Variants in CDK19 observed in about 807,000 individuals in gnomAD.
The protein encoded by CDK19 is cyclin dependent kinase 19.
A neutral mutation model predicts 68.3 loss-of-function variants in CDK19; 20 were observed. The ratio of observed to expected loss-of-function variants is 0.29; its 90% CI spans 0.21 to 0.43. CDK19 has a LOEUF of 0.43. Ranked by LOEUF, CDK19 falls within the 20% of genes least tolerant of loss-of-function variation. The pLI, the probability that CDK19 is intolerant of heterozygous loss-of-function variation, is 1.00. For missense variants in CDK19, 339 were observed against 623.5 expected (o/e 0.54, Z 4.86); for synonymous variants, 221 against 222.8 (o/e 0.99, Z 0.07).
rs75245403 is a variant in CDK19 at position 110,663,584 on chromosome 6, C to T, written c.456+3850G>A. On this transcript the variant is annotated intron_variant, in intron 4 of 12. Coordinates refer to ENST00000368911, the MANE Select transcript of CDK19 (RefSeq NM_015076.5). ...TTTGTTGCCCAAGGCTGGAGTGGAG[C>T]GCAGTGGCACAATCGTGGCTCACTG... Among the ~76,000 whole-genome samples the T allele has an allele frequency of 4.3e-3, 652 of 152,280 alleles. 4 individuals are homozygous for T. Among genetic ancestry groups the T allele is most frequent in the African/African-American group, 0.014 (592 of 41,550 alleles).
intron 1 of CDK19, among the ~76,000 whole-genome samples, chr6:110,799,521 A>G (rs958183564): frequency 6.6e-6 from 1 of 152,152 alleles, no homozygotes; most frequent in Admixed American, 6.6e-5. Flanking sequence ...ATTACTTATA[A>G]TACTTAATAC....
chr6:110,750,227 T>G lies in CDK19; in HGVS notation c.129-4026A>C, dbSNP rs954895764. On this transcript the variant is annotated intron_variant, in intron 1 of 12. Transcript: ENST00000368911. ...GGATGAAAAACAATTAGGAAGTTACTGTGATGTAAGTGTGAGAAGGTGAAA... is the reference window on the plus strand; with the variant it reads ...GGATGAAAAACAATTAGGAAGTTACGGTGATGTAAGTGTGAGAAGGTGAAA... 1.4e-5 allele frequency among the ~76,000 whole-genome samples: 2 copies of G among 145,654 alleles called. 1 individual carries two copies. The highest frequency in any genetic ancestry group is 4.4e-4 in the East Asian group (2 of 4,536).
chr6:110,696,257 T>G (rs991572397), intron 2 of CDK19, among the ~76,000 whole-genome samples: 2 of 152,210 alleles, frequency 1.3e-5, no homozygotes, highest in African/African-American at 4.8e-5. Flanking sequence ...GATATGATCA[T>G]GTCAATAGAT....
At chr6:110,795,165 TC>T (rs1484200543) in intron 1 of CDK19, among the ~76,000 whole-genome samples, 3 of 152,092 alleles carry the variant, frequency 2.0e-5, no homozygotes, top group African/African-American at 7.2e-5. Context: ...GAGACAGGGT[TC>T]CCCCTTGTTG....
intron 2 of CDK19, among the ~76,000 whole-genome samples, chr6:110,694,788 T>C (rs1221292975): frequency 1.3e-5 from 2 of 152,118 alleles, no homozygotes; most frequent in African/African-American, 4.8e-5. Context: ...GAAATCGAAA[T>C]TATATCAAGC....
Position 110,750,754 on chromosome 6 carries a change from T to C in CDK19, c.129-4553A>G, listed in dbSNP as rs529662858. ...ATGTGATGATATTGCCTAGAGGAAG[T>C]AGCACATAGATAAGAAGACTTTTGA... On this transcript the variant is annotated intron_variant, in intron 1 of 12. Coordinates refer to ENST00000368911, the MANE Select transcript of CDK19 (RefSeq NM_015076.5). 5.3e-5 allele frequency among the ~76,000 whole-genome samples: 8 copies of C among 152,264 alleles called. No homozygotes were observed. The East Asian group carries it at 1.5e-3, about 29-fold the overall frequency.
intron 1 of CDK19, among the ~76,000 whole-genome samples, chr6:110,806,993 TA>T (rs1453702605): frequency 1.4e-5 from 2 of 145,666 alleles, no homozygotes; most frequent in African/African-American, 5.1e-5. Flanking sequence ...ATAAATTAAA[TA>T]AATAAAAATA....
intron 1 of CDK19, among the ~76,000 whole-genome samples, chr6:110,756,569 T>C (rs945304030): frequency 2.0e-4 from 30 of 151,520 alleles, no homozygotes; most frequent in Admixed American, 1.9e-3. Flanking sequence ...AAAAAAAAAA[T>C]TATCTACTGT....
chr6:110,627,457 G>A (rs1779164002), intron 6 of CDK19, among the ~76,000 whole-genome samples: 1 of 152,036 alleles, frequency 6.6e-6, no homozygotes, highest in South Asian at 2.1e-4. Flanking sequence ...GACAATAAAT[G>A]GGGACAGTCA....
intron 2 of CDK19, among the ~76,000 whole-genome samples, chr6:110,711,925 G>T (rs575338983): frequency 6.6e-4 from 101 of 152,312 alleles, no homozygotes; most frequent in Non-Finnish European, 1.1e-3. Context: ...GTGAGCAGAG[G>T]TTGCGCCACT....
intron 2 of CDK19, among the ~76,000 whole-genome samples, chr6:110,701,881 G>A (rs1187632487): frequency 6.6e-6 from 1 of 152,026 alleles, no homozygotes; most frequent in African/African-American, 2.4e-5. Context: ...GGTGGCTCAC[G>A]CCTGTAATCC....
intron 1 of CDK19, among the ~76,000 whole-genome samples, chr6:110,769,103 C>A (rs1779797951): frequency 8.8e-6 from 1 of 113,828 alleles, no homozygotes; most frequent in Admixed American, 1.2e-4. Context: ...TGCAGTAAGC[C>A]AAGATTGTAC....
chr6:110,715,825 C>G (rs1231026656), intron 2 of CDK19, among the ~76,000 whole-genome samples: 1 of 152,212 alleles, frequency 6.6e-6, no homozygotes, highest in East Asian at 1.9e-4. Context: ...TCATCAAAGT[C>G]TCTGAATCCT....
At position 110,746,129 on chromosome 6, in the gene CDK19, A is replaced by C; in HGVS notation, c.201T>G (p.Ile67Met). 2 of 1,560,608 alleles carry C rather than the reference A, an allele frequency of 1.3e-6. No homozygotes were observed. Among genetic ancestry groups the C allele is most frequent in the Non-Finnish European group, 1.7e-6 (2 of 1,146,394 alleles). ...AACTGTATTTGTATCCACTTACTGC[A>C]ATCTCTCTACAAGCCGACATGGATA... ...TGISMSACRE[I>M]ALLRELKHPN... The change falls in exon 2 of 13, where the codon ATT becomes ATG. Residue 67 changes from isoleucine to methionine, a missense_variant. Physicochemically the swap from Ile to Met is conservative, Grantham distance 10. Around this residue, in one of 4 missense-constraint regions of CDK19, gnomAD observed 120 missense variants for 224.0 expected, o/e 0.54. Coordinates refer to ENST00000368911, the MANE Select transcript of CDK19 (RefSeq NM_015076.5).
intron 6 of CDK19, among the ~76,000 whole-genome samples, chr6:110,629,986 G>T (rs116387483): frequency 6.6e-6 from 1 of 151,982 alleles, no homozygotes; most frequent in African/African-American, 2.4e-5. Flanking sequence ...ACTCATATCC[G>T]ATTTCATTTA....
intron 1 of CDK19, among the ~76,000 whole-genome samples, chr6:110,810,819 G>A (rs1490357401): frequency 4.6e-5 from 7 of 151,766 alleles, no homozygotes; most frequent in Non-Finnish European, 1.0e-4. Flanking sequence ...GCTACATGTA[G>A]TAGAATCTAC....
chr6:110,655,308 G>A (rs752716911), intron 4 of CDK19, among the ~76,000 whole-genome samples: 1 of 151,754 alleles, frequency 6.6e-6, no homozygotes, highest in Non-Finnish European at 1.5e-5. Flanking sequence ...AGAGGTTGTG[G>A]TGAGCCGAGA....
In CDK19 at chr6:110,638,898, T is replaced by C. The variant is rs575030904; in HGVS notation, c.457-192A>G. Among the ~76,000 whole-genome samples, 5 of 152,342 alleles carry C rather than the reference T, an allele frequency of 3.3e-5. No individual in the cohort carries two copies. In the South Asian group the frequency reaches 1.0e-3, roughly 32 times the overall value. ...CAGCACTAACTTTATATGAACATCCTTGCTATGGAAACACACCTTATTTTC... is the reference window on the plus strand; with the variant it reads ...CAGCACTAACTTTATATGAACATCCCTGCTATGGAAACACACCTTATTTTC... On this transcript the variant is annotated intron_variant, in intron 4 of 12. Coordinates refer to ENST00000368911, the MANE Select transcript of CDK19 (RefSeq NM_015076.5).
At chr6:110,633,498 A>T (rs1249733660) in intron 5 of CDK19, among the ~76,000 whole-genome samples, 1 of 152,212 alleles carries the variant, frequency 6.6e-6, no homozygotes, top group Non-Finnish European at 1.5e-5. Flanking sequence ...TAATCAGCAC[A>T]TTACATGCAT....
Sources: gnomAD v4.1 joint callset for allele counts (sites outside exome capture counted in the v4.1 genomes callset) on GRCh38, gnomAD v4.1.1 for gene constraint, gnomAD v4.1.1 regional missense constraint, MANE v1.5 for transcripts, NCBI Gene and HGNC (gene_info 2026-07-23, HGNC 2026-07-21) for gene names.